NTM: variants seen among roughly 807,000 people sequenced by gnomAD.
NTM encodes IgLON family member 2.
NTM carries 13 observed loss-of-function variants against 42.1 expected under a neutral mutation model. The observed-to-expected ratio is 0.31, with a 90% CI of 0.20 to 0.49. The LOEUF (loss-of-function observed/expected upper bound fraction) is 0.49. Among genes scored for constraint, NTM ranks in the 20% least tolerant of loss-of-function variants. The probability of loss-of-function intolerance (pLI) is 0.99; values close to 1 mark genes in which losing one functional copy is unlikely to be tolerated. For synonymous variants in NTM, 187 were observed against 179.2 expected, an observed-to-expected ratio of 1.04 and a Z score of -0.35; for missense variants, 373 against 452.8, an observed-to-expected ratio of 0.82 and a Z score of 1.60.
At chr11:131,845,759 A>T (rs545331223) in intron 1 of NTM, among the ~76,000 whole-genome samples, 87 of 151,986 alleles carry the variant, frequency 5.7e-4, no homozygotes, top group Admixed American at 9.2e-4. Context: ...GTAATATTTT[A>T]AAAAAATAAA....
At chr11:132,142,425 C>T (rs2069372516) in intron 2 of NTM, among the ~76,000 whole-genome samples, 1 of 152,108 alleles carries the variant, frequency 6.6e-6, no homozygotes, top group Non-Finnish European at 1.5e-5. Context: ...AGAGAGGACT[C>T]GTTGTCTGAA....
At chr11:131,959,795 T>C (rs958376146) in intron 2 of NTM, among the ~76,000 whole-genome samples, 1 of 152,218 alleles carries the variant, frequency 6.6e-6, no homozygotes, top group African/African-American at 2.4e-5. Flanking sequence ...ATGAAGCTGT[T>C]CTACAGTATT....
At chr11:131,691,532 A>C (rs1592576369) in intron 1 of NTM, among the ~76,000 whole-genome samples, 1 of 143,410 alleles carries the variant, frequency 7.0e-6, no homozygotes, top group African/African-American at 2.7e-5. Flanking sequence ...CGTCGCCTGG[A>C]CTCCATCCCC....
At chr11:131,817,549 TC>T (rs2093000853) in intron 1 of NTM, among the ~76,000 whole-genome samples, 1 of 152,172 alleles carries the variant, frequency 6.6e-6, no homozygotes, top group Admixed American at 6.5e-5. Flanking sequence ...GCTGCTATCA[TC>T]CCTTAGCCAA....
At chr11:131,622,121 G>A (rs1044472854) in intron 1 of NTM, among the ~76,000 whole-genome samples, 1 of 152,102 alleles carries the variant, frequency 6.6e-6, no homozygotes, top group African/African-American at 2.4e-5. Context: ...GGATGGGGGG[G>A]ACCATCCACA....
intron 3 of NTM, among the ~76,000 whole-genome samples, chr11:132,176,593 G>A (rs2137952059): frequency 6.6e-6 from 1 of 152,004 alleles, no homozygotes; most frequent in South Asian, 2.1e-4. Context: ...TTCTCAATAG[G>A]ACACCAAGTA....
chr11:131,453,166 C>T (rs556914415), intron 1 of NTM, among the ~76,000 whole-genome samples: 1 of 152,304 alleles, frequency 6.6e-6, no homozygotes, highest in Admixed American at 6.5e-5. Context: ...GGATTCAGAT[C>T]ATCAGCCCCC....
chr11:132,282,992 T>C (rs1168855168), intron 4 of NTM, among the ~76,000 whole-genome samples: 1 of 116,244 alleles, frequency 8.6e-6, no homozygotes, highest in Non-Finnish European at 2.0e-5. Flanking sequence ...TTTTTTTTTT[T>C]TTTTTTTTTA....
chr11:132,006,605 GT>G (rs1459056939), intron 2 of NTM, among the ~76,000 whole-genome samples: 3 of 152,264 alleles, frequency 2.0e-5, no homozygotes, highest in Non-Finnish European at 4.4e-5. Flanking sequence ...CCACAAAGCA[GT>G]GTGTGCCTAG....
intron 2 of NTM, among the ~76,000 whole-genome samples, chr11:131,945,541 G>A (rs1398320928): frequency 6.6e-6 from 1 of 152,104 alleles, no homozygotes; most frequent in Non-Finnish European, 1.5e-5. Context: ...TCTGAAAATA[G>A]CAAAAAGTGA....
intron 2 of NTM, among the ~76,000 whole-genome samples, chr11:131,951,458 C>T (rs527361040): frequency 4.6e-5 from 7 of 152,206 alleles, no homozygotes; most frequent in African/African-American, 1.7e-4. Flanking sequence ...CCCTCTCCAC[C>T]CTATTAACCT....
chr11:131,586,062 C>CGT lies in NTM; in HGVS notation c.82+215183_82+215184dup, dbSNP rs1384783287. Among the ~76,000 whole-genome samples, 5 of 151,328 alleles carry CGT rather than the reference C, an allele frequency of 3.3e-5. No homozygotes were observed. The East Asian group carries it at 7.7e-4, about 23-fold the overall frequency. ...AATTACACACTGTCATAGGTAATCTCGTGTGTGTGTATGAGTGTGTTAGCC... is the reference window on the plus strand; with the variant it reads ...AATTACACACTGTCATAGGTAATCTCGTGTGTGTGTGTATGAGTGTGTTAGCC... On this transcript the variant is annotated intron_variant, in intron 1 of 8. Transcript: ENST00000683400.
At chr11:132,116,713 A>G (rs2136856466) in intron 2 of NTM, among the ~76,000 whole-genome samples, 1 of 152,344 alleles carries the variant, frequency 6.6e-6, no homozygotes, top group South Asian at 2.1e-4. Flanking sequence ...ATGGAAATGC[A>G]AGTCATGATT....
intron 1 of NTM, among the ~76,000 whole-genome samples, chr11:131,680,747 GTGTC>G (rs200217740): frequency 6.0e-4 from 87 of 145,058 alleles, no homozygotes; most frequent in African/African-American, 2.3e-3. Context: ...GTGTGCCTCT[GTGTC>G]TGTGTGTGAG....
chr11:132,239,907 G>A (rs904279571), intron 4 of NTM, among the ~76,000 whole-genome samples: 47 of 152,148 alleles, frequency 3.1e-4, no homozygotes, highest in African/African-American at 9.9e-4. Flanking sequence ...ACATTTATCT[G>A]GTTTGGGAGC....
chr11:131,980,662 T>C (rs1277552127), intron 2 of NTM, among the ~76,000 whole-genome samples: 6 of 152,208 alleles, frequency 3.9e-5, no homozygotes, highest in Admixed American at 2.0e-4. Flanking sequence ...TAAGCATTTA[T>C]TGAGCACATA....
chr11:131,631,104 A>G (rs1039850838), intron 1 of NTM, among the ~76,000 whole-genome samples: 2 of 152,212 alleles, frequency 1.3e-5, no homozygotes, highest in African/African-American at 4.8e-5. Context: ...GCATGGATTC[A>G]GAAATACGTG....
intron 1 of NTM, among the ~76,000 whole-genome samples, chr11:131,507,138 G>A (rs4936135): frequency 0.11 from 17,091 of 152,188 alleles, 1,394 homozygotes; most frequent in African/African-American, 0.23. Flanking sequence ...CCACTTCAGG[G>A]ATGAAAAATA....
chr11:131,458,134 C>T (rs1314833028), intron 1 of NTM, among the ~76,000 whole-genome samples: 1 of 152,144 alleles, frequency 6.6e-6, no homozygotes, highest in Admixed American at 6.5e-5. Context: ...TGGAGTTACT[C>T]CAATACTCAG....
Sources: gnomAD v4.1 joint callset for allele counts (sites outside exome capture counted in the v4.1 genomes callset) on GRCh38, gnomAD v4.1.1 for gene constraint, MANE v1.5 for transcripts, NCBI Gene and HGNC (gene_info 2026-07-23, HGNC 2026-07-21) for gene names.